Variants in DERA observed in about 807,000 individuals in gnomAD.
The protein encoded by DERA is deoxyribose-phosphate aldolase, also known as 2-deoxy-D-ribose 5-phosphate aldolase.
In DERA, 15 loss-of-function variants were observed where a neutral mutation model predicts 41.1. The observed-to-expected ratio is 0.37, with a 90% CI of 0.24 to 0.56. DERA has a LOEUF of 0.56. Among genes scored for constraint, DERA ranks in the 20% least tolerant of loss-of-function variants. The pLI is 0.81. For missense variants in DERA, 396 were observed against 403.4 expected (o/e 0.98, Z 0.16); for synonymous variants, 139 against 137.4 (o/e 1.01, Z -0.08).
intron 6 of DERA, among the ~76,000 whole-genome samples, chr12:16,022,426 A>G (rs535457302): frequency 6.6e-6 from 1 of 152,346 alleles, no homozygotes; most frequent in South Asian, 2.1e-4. Flanking sequence ...AGCCTCAGGT[A>G]TTCCTTTATA....
intron 1 of DERA, among the ~76,000 whole-genome samples, chr12:15,950,833 T>C (rs571133891): frequency 5.9e-5 from 9 of 152,370 alleles, no homozygotes; most frequent in Admixed American, 5.2e-4. Flanking sequence ...GAAAGGCCTA[T>C]GAGAATAAGG....
At chr12:15,930,839 G>A (rs575815724) in intron 1 of DERA, among the ~76,000 whole-genome samples, 12 of 152,182 alleles carry the variant, frequency 7.9e-5, no homozygotes, top group Admixed American at 2.6e-4. Flanking sequence ...TAAATTCATG[G>A]TAAAGTATAA....
At chr12:16,031,468 A>G (rs1010487218) in intron 6 of DERA, among the ~76,000 whole-genome samples, 1 of 152,182 alleles carries the variant, frequency 6.6e-6, no homozygotes, top group South Asian at 2.1e-4. Context: ...TTTGCACACA[A>G]ATCACCTAGG....
chr12:15,925,548 C>G (rs559240065), intron 1 of DERA, among the ~76,000 whole-genome samples: 1 of 152,152 alleles, frequency 6.6e-6, no homozygotes, highest in South Asian at 2.1e-4. Context: ...AATTAAGTAT[C>G]TTTAAAAAAT....
Position 15,957,254 on chromosome 12 carries a change from C to T in DERA, c.129+221C>T, listed in dbSNP as rs1249744515. Reference sequence around the variant, plus strand: ...TCTTATCACTCTTGAGTGGCAAAACCGCAAATGAATTTGAGGCATCTTTAT... The same window carrying T: ...TCTTATCACTCTTGAGTGGCAAAACTGCAAATGAATTTGAGGCATCTTTAT... On this transcript the variant is annotated intron_variant, in intron 2 of 8. Coordinates refer to ENST00000428559, the MANE Select transcript of DERA (RefSeq NM_015954.4). The surrounding 1 kb of genome is among the most constrained non-coding windows in gnomAD (Gnocchi z 4.8). 1.3e-5 allele frequency among the ~76,000 whole-genome samples: 2 copies of T among 152,088 alleles called. No homozygotes were observed. Among genetic ancestry groups the T allele is most frequent in the Admixed American group, 6.6e-5 (1 of 15,264 alleles).
chr12:15,943,703 ATTTT>A lies in DERA; in HGVS notation c.32-13231_32-13228del. 1.1e-5 allele frequency among the ~76,000 whole-genome samples: 1 copy of A among 95,038 alleles called. No homozygotes were observed. Among genetic ancestry groups the A allele is most frequent in the South Asian group, 2.6e-4 (1 of 3,780 alleles). The allele number at this position is 95,038 out of a possible 152,430, so 62.3% of individuals were successfully genotyped here. ...TCTGTTTCTTCTTTTTTATTTTTTA[ATTTT>A]TATTTATTTATTTATTTATTTATTT... On this transcript the variant is annotated intron_variant, in intron 1 of 8. Coordinates refer to ENST00000428559, the MANE Select transcript of DERA (RefSeq NM_015954.4). The surrounding 1 kb of genome is among the most constrained non-coding windows in gnomAD (Gnocchi z 4.5).
chr12:15,934,325 A>G (rs1368689367), intron 1 of DERA, among the ~76,000 whole-genome samples: 1 of 152,108 alleles, frequency 6.6e-6, no homozygotes, highest in Non-Finnish European at 1.5e-5. Flanking sequence ...GGTGGCTCAC[A>G]CCTGTAATCC....
At chr12:16,015,835 C>T (rs1948977706) in intron 6 of DERA, among the ~76,000 whole-genome samples, 1 of 152,100 alleles carries the variant, frequency 6.6e-6, no homozygotes, top group African/African-American at 2.4e-5. Flanking sequence ...TATGTGTTTG[C>T]CATTTGTCAG....
In DERA at chr12:15,958,288, AC is replaced by A; in HGVS notation, c.233del (p.Pro78GlnfsTer7). On this transcript the variant is annotated frameshift_variant, in exon 3 of 9. Transcript: ENST00000428559. LOFTEE classifies it high-confidence loss of function. ...NIQRLCYKAK[Y>X]PIREDLLKAL... Reference sequence around the variant, plus strand: ...CAAAGGCTCTGTTATAAAGCCAAATACCCAATCCGGGAAGATCTCTTAAAAG... The same window carrying A: ...CAAAGGCTCTGTTATAAAGCCAAATACCAATCCGGGAAGATCTCTTAAAAG... 6.2e-7 allele frequency: 1 copy of A among 1,603,436 alleles called. No individual in the cohort carries two copies. Among genetic ancestry groups the A allele is most frequent in the African/African-American group, 1.3e-5 (1 of 74,920 alleles).
chr12:15,959,252 T>G lies in DERA; in HGVS notation c.278-577T>G, dbSNP rs1948565199. On this transcript the variant is annotated intron_variant, in intron 3 of 8. Coordinates refer to ENST00000428559, the MANE Select transcript of DERA (RefSeq NM_015954.4). The surrounding 1 kb of genome is among the most constrained non-coding windows in gnomAD (Gnocchi z 4.5). ...TTAAAGGTAACAACTTGATGTAAGGTCTTATGATATTGCTTTGTTTTATAG... is the reference window on the plus strand; with the variant it reads ...TTAAAGGTAACAACTTGATGTAAGGGCTTATGATATTGCTTTGTTTTATAG... 6.6e-6 allele frequency among the ~76,000 whole-genome samples: 1 copy of G among 152,180 alleles called. No individual in the cohort carries two copies. Among genetic ancestry groups the G allele is most frequent in the Admixed American group, 6.5e-5 (1 of 15,280 alleles).
intron 1 of DERA, among the ~76,000 whole-genome samples, chr12:15,944,998 G>A (rs538062344): frequency 2.0e-4 from 30 of 152,100 alleles, no homozygotes; most frequent in East Asian, 9.7e-4. Flanking sequence ...TCCTTTCCCC[G>A]TTTCTTGTTT....
Position 15,941,430 on chromosome 12 carries a change from T to C in DERA, c.32-15506T>C, listed in dbSNP as rs950843448. Among the ~76,000 whole-genome samples the C allele has an allele frequency of 2.6e-5, 4 of 152,156 alleles. No homozygotes were observed. The highest frequency in any genetic ancestry group is 9.7e-5 in the African/African-American group (4 of 41,446). ...GTACAGGTGGTTTTGGATTACATGG[T>C]TAAGTTCTTTAGTGGTGATTTCTGA... On this transcript the variant is annotated intron_variant, in intron 1 of 8. Transcript: ENST00000428559. The surrounding 1 kb of genome is among the most constrained non-coding windows in gnomAD (Gnocchi z 4.5).
At chr12:16,018,259 C>T (rs1242298808) in intron 6 of DERA, among the ~76,000 whole-genome samples, 5 of 151,992 alleles carry the variant, frequency 3.3e-5, no homozygotes, top group Non-Finnish European at 5.9e-5. Context: ...TAATTTGATC[C>T]GTTAATCTTT....
At position 15,954,962 on chromosome 12, in the gene DERA, C is replaced by T. The variant is rs1044865762; in HGVS notation, c.32-1974C>T. Among the ~76,000 whole-genome samples, 3 of 151,610 alleles carry T rather than the reference C, an allele frequency of 2.0e-5. No individual in the cohort carries two copies. Among genetic ancestry groups the T allele is most frequent in the Non-Finnish European group, 4.4e-5 (3 of 67,922 alleles). ...TATATCTGCTTGAAACAGTCTTTAC[C>T]ATGAACCAAATCAGCATTATCAATC... On this transcript the variant is annotated intron_variant, in intron 1 of 8. Coordinates refer to ENST00000428559, the MANE Select transcript of DERA (RefSeq NM_015954.4). This position sits in a 1 kb window ranked among gnomAD's most constrained non-coding sequence, Gnocchi z 4.0.
At chr12:16,027,003 C>A (rs1949057888) in intron 6 of DERA, among the ~76,000 whole-genome samples, 1 of 152,134 alleles carries the variant, frequency 6.6e-6, no homozygotes, top group African/African-American at 2.4e-5. Context: ...TCTGGTTCAA[C>A]ATAATGTAAT....
At chr12:15,920,555 C>G (rs984573901) in intron 1 of DERA, among the ~76,000 whole-genome samples, 1 of 152,210 alleles carries the variant, frequency 6.6e-6, no homozygotes, top group Non-Finnish European at 1.5e-5. Context: ...ATTATGGAAG[C>G]TGGGCGTGGT....
intron 5 of DERA, among the ~76,000 whole-genome samples, chr12:15,974,164 A>G (rs372245219): frequency 1.3e-5 from 2 of 152,134 alleles, no homozygotes; most frequent in East Asian, 3.8e-4. Context: ...TTCAGTGTGT[A>G]TTTCCTAAGA....
rs1454993944 is a variant in DERA, at chr12:15,993,511, T to C, written c.637+11075T>C. ...TTTTTTTTTTAAAAAAAATAAGATC[T>C]TGCCTTTCATAGGAAAAAGCATTTA... is the stretch of plus-strand genomic sequence containing the variant. On this transcript the variant is annotated intron_variant, in intron 6 of 8. Transcript: ENST00000428559. The surrounding 1 kb of genome is among the most constrained non-coding windows in gnomAD (Gnocchi z 4.4). 6.6e-6 allele frequency among the ~76,000 whole-genome samples: 1 copy of C among 151,524 alleles called. No homozygotes were observed. Among genetic ancestry groups the C allele is most frequent in the African/African-American group, 2.4e-5 (1 of 41,252 alleles).
Position 16,009,239 on chromosome 12 carries a change from G to A in DERA, c.638-23303G>A, listed in dbSNP as rs1948932298. Among the ~76,000 whole-genome samples the A allele has an allele frequency of 1.3e-5, 2 of 152,170 alleles. No homozygotes were observed. The highest frequency in any genetic ancestry group is 4.8e-5 in the African/African-American group (2 of 41,444). Reference sequence around the variant, plus strand: ...TAGAATCTAAGATGCTTTTGGGTGAGTAGCAGAAGAGAACAATGGAATATT... The same window carrying A: ...TAGAATCTAAGATGCTTTTGGGTGAATAGCAGAAGAGAACAATGGAATATT... On this transcript the variant is annotated intron_variant, in intron 6 of 8. Coordinates refer to ENST00000428559, the MANE Select transcript of DERA (RefSeq NM_015954.4). This position sits in a 1 kb window ranked among gnomAD's most constrained non-coding sequence, Gnocchi z 5.3.
Sources: gnomAD v4.1 joint callset for allele counts (sites outside exome capture counted in the v4.1 genomes callset) on GRCh38, gnomAD v4.1.1 for gene constraint, Gnocchi (gnomAD v3.1) non-coding constraint, MANE v1.5 for transcripts, NCBI Gene and HGNC (gene_info 2026-07-23, HGNC 2026-07-21) for gene names.